The following NXPH2 variants were observed in gnomAD, a reference collection of about 807,000 sequenced individuals.
NXPH2 encodes the protein neurexophilin-2.
NXPH2 carries 5 observed loss-of-function variants against 19.8 expected under a neutral mutation model. The ratio of observed to expected loss-of-function variants is 0.25; its 90% confidence interval spans 0.13 to 0.53. The LOEUF (loss-of-function observed/expected upper bound fraction) is 0.53. Ranked by LOEUF, NXPH2 falls within the 20% of genes least tolerant of loss-of-function variation. The pLI, the probability that NXPH2 is intolerant of heterozygous loss-of-function variation, is 0.96. For missense variants in NXPH2, 289 were observed against 322.8 expected (o/e 0.90, Z 0.80); for synonymous variants, 154 against 127.4 (o/e 1.21, Z -1.41).
chr2:138,773,175 G>A (rs1202977785), intron 1 of NXPH2, among the ~76,000 whole-genome samples: 1 of 152,220 alleles, frequency 6.6e-6, no homozygotes, highest in Non-Finnish European at 1.5e-5. Flanking sequence ...AAGTTATGGA[G>A]ACACCGGCTT....
chr2:138,735,452 A>G (rs532550450), intron 1 of NXPH2, among the ~76,000 whole-genome samples: 28 of 152,280 alleles, frequency 1.8e-4, no homozygotes, highest in African/African-American at 6.7e-4. Context: ...TTTCCCTCAT[A>G]AAACCATCAG....
intron 1 of NXPH2, among the ~76,000 whole-genome samples, chr2:138,751,613 GAA>G (rs879470219): frequency 5.9e-5 from 9 of 152,036 alleles, no homozygotes; most frequent in Non-Finnish European, 8.8e-5. Context: ...GCCTCTCTGA[GAA>G]ACTGGTATGT....
chr2:138,694,517 A>G (rs896067918), intron 1 of NXPH2, among the ~76,000 whole-genome samples: 5 of 152,116 alleles, frequency 3.3e-5, no homozygotes, highest in Non-Finnish European at 7.4e-5. Flanking sequence ...AAACCAAGGA[A>G]CATTTGGGGC....
intron 1 of NXPH2, among the ~76,000 whole-genome samples, chr2:138,765,004 TAC>T (rs1432368804): frequency 1.3e-5 from 2 of 152,318 alleles, no homozygotes; most frequent in African/African-American, 4.8e-5. Flanking sequence ...AAGCTAAGAA[TAC>T]ATTGATAAAG....
intron 1 of NXPH2, among the ~76,000 whole-genome samples, chr2:138,735,129 T>C (rs2105002363): frequency 6.6e-6 from 1 of 152,212 alleles, no homozygotes; most frequent in East Asian, 1.9e-4. Flanking sequence ...CCCCTGAACT[T>C]GGGGATGTTG....
At chr2:138,726,620 T>C (rs1681364080) in intron 1 of NXPH2, among the ~76,000 whole-genome samples, 1 of 152,088 alleles carries the variant, frequency 6.6e-6, no homozygotes, top group Non-Finnish European at 1.5e-5. Context: ...GTGTGTGTTT[T>C]TTTTAAATAG....
Position 138,711,201 on chromosome 2 carries a change from C to T in NXPH2, c.52-39536G>A, listed in dbSNP as rs184884549. On this transcript the variant is annotated intron_variant, in intron 1 of 1. Coordinates refer to ENST00000272641, the MANE Select transcript of NXPH2 (RefSeq NM_007226.3). Reference sequence around the variant, plus strand: ...TGTCACCTGGGCTGGAGTGCAATGGCGCCATCTTGGCTCACTGCAACCTCC... The same window carrying T: ...TGTCACCTGGGCTGGAGTGCAATGGTGCCATCTTGGCTCACTGCAACCTCC... Among the ~76,000 whole-genome samples, 6 of 122,504 alleles carry T rather than the reference C, an allele frequency of 4.9e-5. No homozygotes were observed. The East Asian group carries it at 1.4e-3, about 29-fold the overall frequency. The allele number at this position is 122,504 out of a possible 152,430, so 80.4% of individuals were successfully genotyped here.
At chr2:138,681,119 T>C (rs1257287513) in intron 1 of NXPH2, among the ~76,000 whole-genome samples, 1 of 152,222 alleles carries the variant, frequency 6.6e-6, no homozygotes. Context: ...CCCTTTGTCA[T>C]GATTATGCTA....
Position 138,678,591 on chromosome 2 carries a change from T to C in NXPH2, c.52-6926A>G, listed in dbSNP as rs75747661. Reference sequence around the variant, plus strand: ...CAGAGTTGTTTAGGAATTTACAGACTATTTCTAAATTATCCTGGCAATTTT... The same window carrying C: ...CAGAGTTGTTTAGGAATTTACAGACCATTTCTAAATTATCCTGGCAATTTT... On this transcript the variant is annotated intron_variant, in intron 1 of 1. Coordinates refer to ENST00000272641, the MANE Select transcript of NXPH2 (RefSeq NM_007226.3). Among the ~76,000 whole-genome samples the C allele has an allele frequency of 1.0e-3, 154 of 152,328 alleles. 3 individuals carry two copies. In the East Asian group the frequency reaches 0.026, roughly 26 times the overall value.
intron 1 of NXPH2, among the ~76,000 whole-genome samples, chr2:138,722,643 A>G (rs1206602501): frequency 6.6e-6 from 1 of 152,246 alleles, no homozygotes; most frequent in African/African-American, 2.4e-5. Context: ...CAATGATTCC[A>G]GTTGAACAAC....
intron 1 of NXPH2, among the ~76,000 whole-genome samples, chr2:138,719,838 A>G (rs1204058370): frequency 3.3e-5 from 5 of 152,222 alleles, no homozygotes; most frequent in Non-Finnish European, 5.9e-5. Flanking sequence ...TCATTTTCAT[A>G]TTGTAACATC....
At chr2:138,736,702 A>G (rs1191728932) in intron 1 of NXPH2, among the ~76,000 whole-genome samples, 1 of 152,190 alleles carries the variant, frequency 6.6e-6, no homozygotes, top group Non-Finnish European at 1.5e-5. Flanking sequence ...CAAAAATGGA[A>G]TTTCTTTTCT....
chr2:138,716,903 A>G (rs1175119420), intron 1 of NXPH2, among the ~76,000 whole-genome samples: 1 of 152,216 alleles, frequency 6.6e-6, no homozygotes, highest in Non-Finnish European at 1.5e-5. Context: ...GGTATTTACC[A>G]AAATTAATAA....
chr2:138,776,856 T>G (rs1157686323), intron 1 of NXPH2, among the ~76,000 whole-genome samples: 1 of 152,024 alleles, frequency 6.6e-6, no homozygotes, highest in African/African-American at 2.4e-5. Context: ...TAATAAATTA[T>G]GTGGTACTAA....
chr2:138,734,880 C>A (rs1188969109), intron 1 of NXPH2, among the ~76,000 whole-genome samples: 3 of 152,118 alleles, frequency 2.0e-5, no homozygotes, highest in African/African-American at 7.2e-5. Context: ...TCACGTGGCT[C>A]AGAAACATCT....
chr2:138,676,601 G>T (rs1680487748), intron 1 of NXPH2, among the ~76,000 whole-genome samples: 1 of 152,138 alleles, frequency 6.6e-6, no homozygotes, highest in Non-Finnish European at 1.5e-5. Context: ...ATGAACCTCA[G>T]TTTTCTCACC....
At chr2:138,727,603 T>G (rs1321421077) in intron 1 of NXPH2, among the ~76,000 whole-genome samples, 2 of 148,432 alleles carry the variant, frequency 1.3e-5, no homozygotes, top group African/African-American at 4.9e-5. Context: ...GTTTTCCTAT[T>G]GTTGGATTTT....
chr2:138,768,021 A>G, intron 1 of NXPH2, among the ~76,000 whole-genome samples: 1 of 152,134 alleles, frequency 6.6e-6, no homozygotes, highest in Middle Eastern at 3.4e-3. Context: ...TTATTTTGTC[A>G]GTTATAAATT....
intron 1 of NXPH2, among the ~76,000 whole-genome samples, chr2:138,725,864 G>C (rs183629600): frequency 6.6e-6 from 1 of 152,244 alleles, no homozygotes; most frequent in East Asian, 1.9e-4. Context: ...TATTATCATT[G>C]TTCCAGTAAT....
Sources: gnomAD v4.1 joint callset for allele counts (sites outside exome capture counted in the v4.1 genomes callset) on GRCh38, gnomAD v4.1.1 for gene constraint, MANE v1.5 for transcripts, NCBI Gene and HGNC (gene_info 2026-07-23, HGNC 2026-07-21) for gene names.